Variants in CFHR3 observed in about 807,000 individuals in gnomAD.
The protein encoded by CFHR3 is complement factor H related 3, also known as complement factor H-related protein 3.
CFHR3 carries 22 observed loss-of-function variants against 36.0 expected under a neutral mutation model. The ratio of observed to expected loss-of-function variants is 0.61; its 90% CI spans 0.44 to 0.87. CFHR3 has a LOEUF of 0.87. Among genes scored for constraint, CFHR3 ranks in the 40% least tolerant of loss-of-function variants. The pLI is 0.00. For missense variants in CFHR3, 276 were observed against 401.3 expected, an observed-to-expected ratio of 0.69 and a Z score of 2.67; for synonymous variants, 97 against 137.4, an observed-to-expected ratio of 0.71 and a Z score of 2.06.
rs1389327381 is a variant in CFHR3, at chr1:196,783,478, A to G, written c.430+3505A>G. Among the ~76,000 whole-genome samples, 6 of 131,876 alleles carry G rather than the reference A, an allele frequency of 4.5e-5. 2 individuals are homozygous for G. The highest frequency in any genetic ancestry group is 2.0e-4 in the African/African-American group (6 of 30,052). 86.5% of individuals were successfully genotyped at this position (131,876 alleles called of 152,430 possible). ...AGCTATTGATTATTGCCACAATTTC[A>G]GAGCCTGTTATTGGTCTATTCAGAG... On this transcript the variant is annotated intron_variant, in intron 3 of 5. Transcript: ENST00000367425.
intron 1 of CFHR3, among the ~76,000 whole-genome samples, chr1:196,778,450 T>G (rs1383089550): frequency 2.9e-5 from 4 of 137,136 alleles, no homozygotes; most frequent in Admixed American, 7.1e-5. Flanking sequence ...TCCAGAATTA[T>G]AGAAGAAACA....
chr1:196,793,164 A>G (rs1654477786), intron 5 of CFHR3, among the ~76,000 whole-genome samples, 153 bp from the exon 6 acceptor site: 1 of 134,782 alleles, frequency 7.4e-6, no homozygotes, highest in South Asian at 2.6e-4. Flanking sequence ...ATATTTTTGA[A>G]ATGCTAACGT....
At position 196,779,348 on chromosome 1, in the gene CFHR3, C is replaced by T; in HGVS notation, c.245C>T (p.Pro82Leu). 6.6e-7 allele frequency: 1 copy of T among 1,506,882 alleles called. No individual in the cohort carries two copies. Among genetic ancestry groups the T allele is most frequent in the Non-Finnish European group, 9.0e-7 (1 of 1,110,166 alleles). The allele number at this position is 1,506,882 out of a possible 1,614,324, so 93.3% of individuals were successfully genotyped here. ...CAAAATGGGTGGTCACCAGCAGTAC[C>T]ATGTCTCAGTAAGTAATCCTCTGAA... is the stretch of plus-strand genomic sequence containing the variant. ...CTQNGWSPAVPCLRKCYFPYL... is the reference protein window; with the variant it reads ...CTQNGWSPAVLCLRKCYFPYL... Residue 82 changes from proline (P) to leucine (L), a missense_variant, in exon 2 of 6, where the codon CCA becomes CTA. By Grantham distance (98) the Pro-to-Leu change is moderately conservative. Around this residue, in one of 3 missense-constraint regions of CFHR3, gnomAD observed 178 missense variants for 247.2 expected, o/e 0.72. Coordinates refer to ENST00000367425, the MANE Select transcript of CFHR3 (RefSeq NM_021023.6).
In CFHR3 at chr1:196,790,619, G is replaced by A. The variant is rs1358819454; in HGVS notation, c.796+392G>A. Among the ~76,000 whole-genome samples, 4 of 135,768 alleles carry A rather than the reference G, an allele frequency of 2.9e-5. 1 individual carries two copies. Among genetic ancestry groups the A allele is most frequent in the Admixed American group, 2.9e-4 (4 of 13,998 alleles). The allele number at this position is 135,768 out of a possible 152,430, so 89.1% of individuals were successfully genotyped here. On this transcript the variant is annotated intron_variant, in intron 5 of 5. Coordinates refer to ENST00000367425, the MANE Select transcript of CFHR3 (RefSeq NM_021023.6). ...TATGCCTGTAATCCCAGCTACTCAGGAGGGTGAGGCAGGAGAATCATTTGA... is the reference window on the plus strand; with the variant it reads ...TATGCCTGTAATCCCAGCTACTCAGAAGGGTGAGGCAGGAGAATCATTTGA...
intron 1 of CFHR3, among the ~76,000 whole-genome samples, chr1:196,777,395 T>C (rs1653764696): frequency 7.3e-6 from 1 of 136,954 alleles, no homozygotes; most frequent in Non-Finnish European, 1.5e-5. Flanking sequence ...AAATTCCTTT[T>C]AAACTGATCA....
rs1654510672 is a variant in CFHR3 at position 196,793,903 on chromosome 1, A to G, written c.*390A>G. On this transcript the variant is annotated 3_prime_UTR_variant, in exon 6 of 6. Coordinates refer to ENST00000367425, the MANE Select transcript of CFHR3 (RefSeq NM_021023.6). Reference sequence around the variant, plus strand: ...TTAGATATTAAAATTGTAAGTGAAGATAAACACACTATAGTATTCCCTTAT... The same window carrying G: ...TTAGATATTAAAATTGTAAGTGAAGGTAAACACACTATAGTATTCCCTTAT... 5.5e-6 allele frequency: 1 copy of G among 181,760 alleles called. No homozygotes were observed. Among genetic ancestry groups the G allele is most frequent in the African/African-American group, 3.0e-5 (1 of 32,880 alleles). The allele number at this position is 181,760 out of a possible 1,614,324, so 11.3% of individuals were successfully genotyped here. A position where few individuals can be genotyped will look rare whatever the true frequency, so the allele number is the denominator to read the frequency against.
chr1:196,779,217 G>A lies in CFHR3; in HGVS notation c.114G>A (p.Met38Ile). 6.5e-7 allele frequency: 1 copy of A among 1,529,802 alleles called. No homozygotes were observed. The highest frequency in any genetic ancestry group is 8.8e-7 in the Non-Finnish European group (1 of 1,130,288). The allele number at this position is 1,529,802 out of a possible 1,614,324, so 94.8% of individuals were successfully genotyped here. ...IKHGGLFHEN[M>I]RRPYFPVAVG... ...ATGGAGGTCTATTTCATGAGAATAT[G>A]CGTAGACCATACTTTCCAGTAGCTG... The change falls in exon 2 of 6, where the codon ATG becomes ATA. Residue 38 changes from methionine (M) to isoleucine (I), a missense_variant. By Grantham distance (10) the Met-to-Ile change is conservative (BLOSUM62 1). Around this residue, in one of 3 missense-constraint regions of CFHR3, gnomAD observed 178 missense variants for 247.2 expected, o/e 0.72. Coordinates refer to ENST00000367425, the MANE Select transcript of CFHR3 (RefSeq NM_021023.6).
At chr1:196,780,957 C>T (rs1314097790) in intron 3 of CFHR3, among the ~76,000 whole-genome samples, 1 of 84,888 alleles carries the variant, frequency 1.2e-5, no homozygotes, top group African/African-American at 5.9e-5. Context: ...CCCCCTCCCC[C>T]CACCCCACAA....
intron 3 of CFHR3, among the ~76,000 whole-genome samples, chr1:196,786,696 G>T (rs1385803524): frequency 1.5e-5 from 2 of 136,800 alleles, no homozygotes; most frequent in Non-Finnish European, 3.1e-5. Flanking sequence ...GATTTTCCAG[G>T]TGCCGTGTGT....
chr1:196,781,307 G>T (rs1460424865), intron 3 of CFHR3, among the ~76,000 whole-genome samples: 11 of 135,354 alleles, frequency 8.1e-5, no homozygotes, highest in African/African-American at 2.2e-4. Context: ...AGTCCTTTGG[G>T]TATATACCCA....
intron 1 of CFHR3, among the ~76,000 whole-genome samples, chr1:196,776,449 A>G (rs1405609262): frequency 7.3e-6 from 1 of 137,646 alleles, no homozygotes; most frequent in African/African-American, 3.0e-5. Flanking sequence ...CCAAATTCCC[A>G]ATACCTGAGA....
Position 196,792,886 on chromosome 1 carries a change from T to C in CFHR3, c.797-431T>C, listed in dbSNP as rs1291020147. 4.4e-5 allele frequency among the ~76,000 whole-genome samples: 6 copies of C among 136,748 alleles called. 1 individual carries two copies. The highest frequency in any genetic ancestry group is 1.8e-4 in the African/African-American group (6 of 32,772). The allele number at this position is 136,748 out of a possible 152,430, so 89.7% of individuals were successfully genotyped here. A position where few individuals can be genotyped will look rare whatever the true frequency, so the allele number is the denominator to read the frequency against. On this transcript the variant is annotated intron_variant, in intron 5 of 5. Transcript: ENST00000367425. The stretch of plus-strand genomic sequence containing the variant: ...CTACATTGTGGGCATAAGAGAAAAA[T>C]ATAAACATAGAATTAAATTAGCAAA...
chr1:196,777,720 G>A (rs1238833062), intron 1 of CFHR3, among the ~76,000 whole-genome samples: 1 of 135,776 alleles, frequency 7.4e-6, no homozygotes, highest in Non-Finnish European at 1.6e-5. Context: ...GAGCCGGGGG[G>A]CTCCTGCCTT....
At position 196,779,329 on chromosome 1, in the gene CFHR3, G is replaced by T. The variant is rs777697101; in HGVS notation, c.226G>T (p.Gly76Trp). The T allele has an allele frequency of 6.6e-7, 1 of 1,526,334 alleles. No homozygotes were observed. Among genetic ancestry groups the T allele is most frequent in the East Asian group, 2.2e-5 (1 of 44,598 alleles). The allele number at this position is 1,526,334 out of a possible 1,614,324, so 94.5% of individuals were successfully genotyped here. A position where few individuals can be genotyped will look rare whatever the true frequency, so the allele number is the denominator to read the frequency against. ...YWDYIHCTQN[G>W]WSPAVPCLRK... ...GGATTACATTCATTGCACACAAAAT[G>T]GGTGGTCACCAGCAGTACCATGTCT... The change falls in exon 2 of 6, where the codon GGG (glycine) becomes TGG (tryptophan). Residue 76 changes from glycine to tryptophan, a missense_variant. Coordinates refer to ENST00000367425, the MANE Select transcript of CFHR3 (RefSeq NM_021023.6).
At chr1:196,791,357 A>G (rs1200858132) in intron 5 of CFHR3, among the ~76,000 whole-genome samples, 2 of 136,322 alleles carry the variant, frequency 1.5e-5, no homozygotes, top group East Asian at 3.9e-4. Flanking sequence ...AAGAAAACCT[A>G]AAAGAAAATT....
intron 3 of CFHR3, among the ~76,000 whole-genome samples, chr1:196,782,313 A>G (rs1342631749): frequency 1.5e-5 from 2 of 137,058 alleles, no homozygotes; most frequent in East Asian, 1.9e-4. Context: ...TATGAACTTT[A>G]AAGTACTTTT....
chr1:196,780,154 G>A (rs1653888300), intron 3 of CFHR3, among the ~76,000 whole-genome samples, 181 bp downstream of exon 3: 1 of 137,380 alleles, frequency 7.3e-6, no homozygotes, highest in East Asian at 2.0e-4. Context: ...TAAGTACATA[G>A]CAAAATAAAT....
Position 196,793,484 on chromosome 1 carries a change from G to A in CFHR3, c.964G>A (p.Gly322Arg), listed in dbSNP as rs1654494288. 1 of 1,526,298 alleles carries A rather than the reference G, an allele frequency of 6.6e-7. No homozygotes were observed. The highest frequency in any genetic ancestry group is 8.9e-7 in the Non-Finnish European group (1 of 1,128,754). 94.5% of individuals were successfully genotyped at this position (1,526,298 alleles called of 1,614,324 possible). ...ATCATTTCAAGCAGTGTGTCGGGAAGGGATAGTGGAATACCCCAGATGCGA... is the reference window on the plus strand; with the variant it reads ...ATCATTTCAAGCAGTGTGTCGGGAAAGGATAGTGGAATACCCCAGATGCGA... ...ILSFQAVCREGIVEYPRCE is the reference protein window; with the variant it reads ...ILSFQAVCRERIVEYPRCE Residue 322 changes from glycine to arginine, a missense_variant, in exon 6 of 6, where the codon GGG (glycine) becomes AGG (arginine). Physicochemically the swap from Gly to Arg is moderately radical, Grantham distance 125. Around this residue, in one of 3 missense-constraint regions of CFHR3, gnomAD observed 76 missense variants for 79.8 expected, o/e 0.95. Transcript: ENST00000367425.
At chr1:196,775,865 G>A (rs1653697820) in intron 1 of CFHR3, among the ~76,000 whole-genome samples, 1 of 136,860 alleles carries the variant, frequency 7.3e-6, no homozygotes, top group Non-Finnish European at 1.6e-5. Context: ...CAATTTATGA[G>A]ACTATCTTTT....
Sources: gnomAD v4.1 joint callset for allele counts (sites outside exome capture counted in the v4.1 genomes callset) on GRCh38, gnomAD v4.1.1 for gene constraint, gnomAD v4.1.1 regional missense constraint, MANE v1.5 for transcripts, NCBI Gene and HGNC (gene_info 2026-07-23, HGNC 2026-07-21) for gene names.